CDH13: variants seen among roughly 807,000 people sequenced by gnomAD.
CDH13 encodes the protein cadherin-13.
A neutral mutation model predicts 63.8 loss-of-function variants in CDH13; 24 were observed. That is an observed-to-expected ratio of 0.38 (90% CI 0.27 to 0.53). CDH13 has a LOEUF of 0.53. CDH13 is among the 20% of genes least tolerant of loss of function. The pLI, the probability that CDH13 is intolerant of heterozygous loss-of-function variation, is 0.85. For missense variants in CDH13, 1,049 were observed against 903.1 expected, an observed-to-expected ratio of 1.16 and a Z score of -2.07; for synonymous variants, 503 against 355.3, an observed-to-expected ratio of 1.42 and a Z score of -4.67.
intron 6 of CDH13, among the ~76,000 whole-genome samples, chr16:83,370,688 G>A: frequency 6.6e-6 from 1 of 152,114 alleles, no homozygotes; most frequent in East Asian, 1.9e-4. Context: ...TGTACTCAGT[G>A]TTTAGCTCCC....
intron 10 of CDH13, among the ~76,000 whole-genome samples, chr16:83,716,268 C>T (rs567327573): frequency 3.9e-5 from 6 of 152,086 alleles, no homozygotes; most frequent in African/African-American, 9.7e-5. Context: ...TACCTTGACA[C>T]GTCATGATCA....
intron 7 of CDH13, among the ~76,000 whole-genome samples, chr16:83,490,711 G>T (rs151256515): frequency 6.6e-6 from 1 of 152,172 alleles, no homozygotes; most frequent in Non-Finnish European, 1.5e-5. Flanking sequence ...GTTGAAAGGC[G>T]GGAAGGAAGT....
chr16:83,381,650 C>G (rs573803816), intron 6 of CDH13, among the ~76,000 whole-genome samples: 1 of 152,110 alleles, frequency 6.6e-6, no homozygotes, highest in South Asian at 2.1e-4. Flanking sequence ...AAAAGCTCAC[C>G]TAAACCCACC....
At chr16:82,733,527 T>C (rs2033511870) in intron 1 of CDH13, among the ~76,000 whole-genome samples, 1 of 151,506 alleles carries the variant, frequency 6.6e-6, no homozygotes, top group Admixed American at 6.6e-5. Flanking sequence ...CATTAAGTGA[T>C]AGGTGACTGG....
chr16:83,141,039 A>G (rs1050424556), intron 4 of CDH13, among the ~76,000 whole-genome samples: 3 of 152,190 alleles, frequency 2.0e-5, no homozygotes, highest in African/African-American at 7.2e-5. Flanking sequence ...AGTATCCACT[A>G]TTTCCCTTCC....
intron 1 of CDH13, among the ~76,000 whole-genome samples, chr16:82,847,428 C>T (rs1376625168): frequency 6.6e-6 from 1 of 152,222 alleles, no homozygotes; most frequent in Admixed American, 6.5e-5. Context: ...CTCCTGGCCC[C>T]TTCCTCCATC....
intron 8 of CDH13, among the ~76,000 whole-genome samples, chr16:83,626,702 T>G (rs1910337475): frequency 6.6e-6 from 1 of 152,124 alleles, no homozygotes; most frequent in Non-Finnish European, 1.5e-5. Flanking sequence ...CTTTGCCTCC[T>G]ACTTCCAATT....
At chr16:82,765,564 A>G (rs754432125) in intron 1 of CDH13, among the ~76,000 whole-genome samples, 16 of 152,184 alleles carry the variant, frequency 1.1e-4, no homozygotes, top group Non-Finnish European at 1.9e-4. Flanking sequence ...GGGAATCTAC[A>G]TTGTGCACGG....
intron 1 of CDH13, among the ~76,000 whole-genome samples, chr16:82,672,849 G>T (rs539347472): frequency 2.0e-5 from 3 of 151,678 alleles, no homozygotes; most frequent in South Asian, 2.1e-4. Flanking sequence ...GAGCCTCACT[G>T]TGTTGCCCAG....
chr16:82,971,529 G>A (rs567462314), intron 2 of CDH13, among the ~76,000 whole-genome samples: 16 of 152,310 alleles, frequency 1.1e-4, no homozygotes, highest in East Asian at 7.7e-4. Flanking sequence ...CGAAGAATAG[G>A]CATCTAACCC....
chr16:83,380,469 C>G (rs1240014614), intron 6 of CDH13, among the ~76,000 whole-genome samples: 1 of 152,114 alleles, frequency 6.6e-6, no homozygotes, highest in African/African-American at 2.4e-5. Context: ...TGAAACCTTT[C>G]TATCTACCTA....
At chr16:83,517,619 C>T (rs1344236422) in intron 7 of CDH13, among the ~76,000 whole-genome samples, 1 of 152,174 alleles carries the variant, frequency 6.6e-6, no homozygotes, top group Non-Finnish European at 1.5e-5. Context: ...TGTGAGGGAA[C>T]ACGTGGGCAA....
chr16:82,847,082 T>C (rs529709501), intron 1 of CDH13, among the ~76,000 whole-genome samples: 42 of 152,192 alleles, frequency 2.8e-4, no homozygotes, highest in African/African-American at 8.4e-4. Context: ...CCTATTCCTT[T>C]CTAACTCCTC....
intron 6 of CDH13, among the ~76,000 whole-genome samples, chr16:83,477,502 A>T (rs1275375968): frequency 6.6e-6 from 1 of 152,142 alleles, no homozygotes; most frequent in Non-Finnish European, 1.5e-5. Flanking sequence ...TCCTCACCTC[A>T]AACCTGTATC....
intron 11 of CDH13, among the ~76,000 whole-genome samples, chr16:83,774,370 C>T (rs1914964322): frequency 6.6e-6 from 1 of 151,928 alleles, no homozygotes; most frequent in Non-Finnish European, 1.5e-5. Context: ...AGTCAAATGC[C>T]ATTTCTTTTT....
chr16:83,386,165 T>C (rs2091670311), intron 6 of CDH13, among the ~76,000 whole-genome samples: 2 of 152,230 alleles, frequency 1.3e-5, no homozygotes, highest in South Asian at 4.1e-4. Context: ...GTATTTGAAA[T>C]GGTGCTGAAT....
At chr16:83,265,100 A>G (rs555001747) in intron 5 of CDH13, among the ~76,000 whole-genome samples, 72 of 152,284 alleles carry the variant, frequency 4.7e-4, no homozygotes, top group African/African-American at 1.5e-3. Flanking sequence ...ATACTTGTCA[A>G]TGTCTTTAAA....
chr16:82,654,791 T>G (rs979859286), intron 1 of CDH13, among the ~76,000 whole-genome samples: 1 of 152,066 alleles, frequency 6.6e-6, no homozygotes, highest in Non-Finnish European at 1.5e-5. Context: ...GGGCAGCTTC[T>G]CAGGTTATAG....
At chr16:83,669,951 T>C (rs1453142340) in intron 8 of CDH13, among the ~76,000 whole-genome samples, 1 of 152,222 alleles carries the variant, frequency 6.6e-6, no homozygotes, top group Non-Finnish European at 1.5e-5. Flanking sequence ...CAAAGGAATG[T>C]GCTAATGAAA....
Sources: gnomAD v4.1 joint callset for allele counts (sites outside exome capture counted in the v4.1 genomes callset) on GRCh38, gnomAD v4.1.1 for gene constraint, MANE v1.5 for transcripts, NCBI Gene and HGNC (gene_info 2026-07-23, HGNC 2026-07-21) for gene names.